Variants in ATG2A observed in about 807,000 individuals in gnomAD.
The protein encoded by ATG2A is autophagy related 2A, also known as autophagy-related protein 2 homolog A.
ATG2A carries 103 observed loss-of-function variants against 214.2 expected under a neutral mutation model. The ratio of observed to expected loss-of-function variants is 0.48; its 90% CI spans 0.41 to 0.57. The LOEUF is 0.57. Among genes scored for constraint, ATG2A ranks in the 20% least tolerant of loss-of-function variants. The pLI is 0.00. For missense variants in ATG2A, 2,312 were observed against 2,613.2 expected (o/e 0.88, Z 2.51); for synonymous variants, 1,160 against 1,142.1 (o/e 1.02, Z -0.32).
At chr11:64,902,944 G>A (rs548945267) in intron 26 of ATG2A, among the ~76,000 whole-genome samples, 1 of 150,950 alleles carries the variant, frequency 6.6e-6, no homozygotes, top group East Asian at 2.0e-4. Context: ...CCCGTGAAGG[G>A]CTCTGCATGC....
At chr11:64,902,427 G>A (rs1319859389) in intron 27 of ATG2A, 41 bp from the exon 28 acceptor site, 1 of 1,532,224 alleles carries the variant, frequency 6.5e-7, no homozygotes, top group African/African-American at 1.4e-5. Context: ...AGACAGGACA[G>A]AGCTCCCCCA....
In ATG2A at chr11:64,913,027, TG is replaced by T; in HGVS notation, c.825+10del. 1 of 1,539,326 alleles carries T rather than the reference TG, an allele frequency of 6.5e-7. No homozygotes were observed. Among genetic ancestry groups the T allele is most frequent in the Non-Finnish European group, 8.8e-7 (1 of 1,141,748 alleles). ...GGTACTCACCCCCTCCCCAGGGGCC[TG>T]GGGACCCACCTTGGGGCCAGGGAAG... On this transcript the variant is annotated intron_variant, in intron 6 of 40. Transcript: ENST00000377264. This position sits in a 1 kb window ranked among gnomAD's most constrained non-coding sequence, Gnocchi z 4.3.
In ATG2A at chr11:64,913,834, C is replaced by A. The variant is rs1472413737; in HGVS notation, c.577G>T (p.Val193Phe). Residue 193 changes from valine to phenylalanine, a missense_variant, in exon 4 of 41, where the codon GTC becomes TTC. By Grantham distance (50) the Val-to-Phe change is conservative. Coordinates refer to ENST00000377264, the MANE Select transcript of ATG2A (RefSeq NM_015104.3). The surrounding 1 kb of genome is among the most constrained non-coding windows in gnomAD (Gnocchi z 4.3). Reference protein sequence around the residue: ...GDGERGVAVEVRVQRLEYCDE... With the variant: ...GDGERGVAVEFRVQRLEYCDE... Reference sequence around the variant, plus strand: ...GCCTGCCCTTACCTCTGCACACGGACCTCGACGGCCACACCACGTTCCCCA... The same window carrying A: ...GCCTGCCCTTACCTCTGCACACGGAACTCGACGGCCACACCACGTTCCCCA... The A allele has an allele frequency of 3.1e-6, 5 of 1,613,354 alleles. No homozygotes were observed. In the South Asian group the frequency reaches 3.3e-5, roughly 11 times the overall value.
intron 1 of ATG2A, among the ~76,000 whole-genome samples, chr11:64,916,024 G>A (rs188348732): frequency 6.6e-6 from 1 of 152,266 alleles, no homozygotes; most frequent in East Asian, 1.9e-4. Flanking sequence ...AGCCCCCTGA[G>A]TCCAGCCACA....
Position 64,911,058 on chromosome 11 carries a change from G to A in ATG2A, c.1446C>T (p.Ala482=), listed in dbSNP as rs1944753182. 1.2e-6 allele frequency: 2 copies of A among 1,614,028 alleles called. No homozygotes were observed. The highest frequency in any genetic ancestry group is 1.7e-6 in the Non-Finnish European group (2 of 1,180,038). ...FHHLRPRFQR[A]CPCSHVRLTG... ...TATACCGAACATGGCTACAGGGACA[G>A]GCCCTCTGGAAGCGTGGTCGAAGGT... Residue 482 remains alanine (A), a synonymous_variant, in exon 10 of 41, where the codon GCC becomes GCT. Coordinates refer to ENST00000377264, the MANE Select transcript of ATG2A (RefSeq NM_015104.3).
rs1221504129 is a variant in ATG2A, at chr11:64,895,867, C to T, written c.5428-425G>A. ...CTCTGCCCAGCATCTCACCTGGCAT[C>T]ACTCTTTCCCACCTGACTGAACACT... On this transcript the variant is annotated intron_variant, in intron 39 of 40. Coordinates refer to ENST00000377264, the MANE Select transcript of ATG2A (RefSeq NM_015104.3). The surrounding 1 kb of genome is among the most constrained non-coding windows in gnomAD (Gnocchi z 5.0). 6.6e-6 allele frequency among the ~76,000 whole-genome samples: 1 copy of T among 152,176 alleles called. No homozygotes were observed.
intron 37 of ATG2A, 22 bp from the exon 38 acceptor site, chr11:64,896,891 G>C: frequency 6.2e-7 from 1 of 1,611,804 alleles, no homozygotes; most frequent in Non-Finnish European, 8.5e-7. Context: ...GGGAGGTGAG[G>C]AGGCAGAAGG....
chr11:64,897,815 C>G (rs202196991), intron 35 of ATG2A, 24 bp downstream of exon 35: 10 of 1,613,512 alleles, frequency 6.2e-6, no homozygotes, highest in Non-Finnish European at 5.1e-6. Context: ...CCCAGGGCCC[C>G]CCACCCGCAG....
At chr11:64,909,421 T>G in intron 14 of ATG2A, 54 bp from the exon 15 acceptor site, 1 of 1,558,650 alleles carries the variant, frequency 6.4e-7, no homozygotes, top group Non-Finnish European at 8.8e-7. Context: ...TTCCTATTTC[T>G]TCCCCAATGC....
In ATG2A at chr11:64,898,832, T is replaced by TGGA; in HGVS notation, c.4472_4474dup (p.Phe1491_Gln1492insLeu). 6.2e-7 allele frequency: 1 copy of TGGA among 1,609,652 alleles called. No homozygotes were observed. ...TGGCTCCGCTGGGTACACCTCGTGC[T>TGGA]GGAAGCTTACCTGTGGGGTGGACAG... On this transcript the variant is annotated inframe_insertion, in exon 32 of 41. Coordinates refer to ENST00000377264, the MANE Select transcript of ATG2A (RefSeq NM_015104.3). The surrounding 1 kb of genome is among the most constrained non-coding windows in gnomAD (Gnocchi z 4.5).
At position 64,895,900 on chromosome 11, in the gene ATG2A, G is replaced by C. The variant is rs996332521; in HGVS notation, c.5428-458C>G. ...CCCACCTGACTGAACACTCCCGGGG[G>C]CTCCCTGGTGCCCATGCATCCCTCC... is the stretch of plus-strand genomic sequence containing the variant. On this transcript the variant is annotated intron_variant, in intron 39 of 40. Coordinates refer to ENST00000377264, the MANE Select transcript of ATG2A (RefSeq NM_015104.3). This position sits in a 1 kb window ranked among gnomAD's most constrained non-coding sequence, Gnocchi z 5.0. 6.6e-6 allele frequency among the ~76,000 whole-genome samples: 1 copy of C among 152,098 alleles called. No homozygotes were observed. Among genetic ancestry groups the C allele is most frequent in the East Asian group, 1.9e-4 (1 of 5,182 alleles).
At position 64,910,612 on chromosome 11, in the gene ATG2A, T is replaced by C. The variant is rs1237922539; in HGVS notation, c.1707+4A>G. ...AGCCTGGTGGCCTGGAGCGGGTGGG[T>C]TACCTTAGGCACACGGCGCAGGATC... is the stretch of plus-strand genomic sequence containing the variant. On this transcript the variant is annotated splice_donor_region_variant and intron_variant, in intron 12 of 40. Coordinates refer to ENST00000377264, the MANE Select transcript of ATG2A (RefSeq NM_015104.3). 1 of 1,595,466 alleles carries C rather than the reference T, an allele frequency of 6.3e-7. No individual in the cohort carries two copies. The highest frequency in any genetic ancestry group is 1.7e-5 in the Admixed American group (1 of 57,414).
chr11:64,914,285 C>G (rs146301730), intron 2 of ATG2A, 52 bp from the exon 3 acceptor site: 5 of 1,553,800 alleles, frequency 3.2e-6, no homozygotes, highest in Non-Finnish European at 4.4e-6. Context: ...AGGTCCTGGA[C>G]GCCCCAGCCC....
chr11:64,912,446 T>C (rs1944811939), intron 6 of ATG2A, 23 bp from the exon 7 acceptor site: 1 of 1,538,770 alleles, frequency 6.5e-7, no homozygotes, highest in Non-Finnish European at 8.8e-7. Flanking sequence ...GAGGCAGCCA[T>C]GGAGCCTAGG....
chr11:64,896,434 A>G (rs778208910), intron 39 of ATG2A, 28 bp downstream of exon 39: 3 of 1,591,790 alleles, frequency 1.9e-6, no homozygotes, highest in Non-Finnish European at 2.6e-6. Context: ...TCTGTCCTGC[A>G]CAGCCCAGAT....
At chr11:64,907,117 T>C in intron 19 of ATG2A, 138 bp downstream of exon 19, 2 of 1,052,206 alleles carry the variant, frequency 1.9e-6, no homozygotes, top group Non-Finnish European at 2.7e-6. Flanking sequence ...GTGGGCAGGC[T>C]GGCGTGGGTG....
chr11:64,900,762 T>G lies in ATG2A; in HGVS notation c.4328+122A>C, dbSNP rs1403650294. 6.3e-6 allele frequency: 9 copies of G among 1,436,730 alleles called. No homozygotes were observed. In the Admixed American group the frequency reaches 2.4e-4, roughly 38 times the overall value. The allele number at this position is 1,436,730 out of a possible 1,614,324, so 89.0% of individuals were successfully genotyped here. ...GGAAGGCAGGCGGGATAAGGAAGGA[T>G]GAGGAAACTGAGGCCCACCTGGGGT... On this transcript the variant is annotated intron_variant, in intron 30 of 40. Coordinates refer to ENST00000377264, the MANE Select transcript of ATG2A (RefSeq NM_015104.3).
At chr11:64,912,288 T>TGCCCCCCACCCCCCCC in intron 7 of ATG2A, 39 bp from the exon 8 acceptor site, 1 of 1,471,388 alleles carries the variant, frequency 6.8e-7, no homozygotes, top group Non-Finnish European at 9.4e-7. Flanking sequence ...TGGCTGGCCC[T>TGCCCCCCACCCCCCCC]CCCAGCCACC....
In ATG2A at chr11:64,909,786, G is replaced by A. The variant is rs1207934189; in HGVS notation, c.2002C>T (p.Gln668Ter). The part of the protein sequence containing the change: ...PWAGQAVRAE[Q>*]LRLELSEPQF... ...GGCTCACTCAGCTCCAGCCGAAGCT[G>A]CTCAGCCCGCACGGCCTGGCCCGCC... is the stretch of plus-strand genomic sequence containing the variant. The change falls in exon 14 of 41, where the codon CAG becomes TAG. Residue 668 changes from glutamine to a stop codon, truncating the protein, a stop_gained. Coordinates refer to ENST00000377264, the MANE Select transcript of ATG2A (RefSeq NM_015104.3). LOFTEE classifies it high-confidence loss of function. 6.2e-7 allele frequency: 1 copy of A among 1,612,470 alleles called. No homozygotes were observed. Among genetic ancestry groups the A allele is most frequent in the Non-Finnish European group, 8.5e-7 (1 of 1,179,902 alleles).
Sources: allele counts gnomAD v4.1 joint callset (sites outside exome capture counted in the v4.1 genomes callset), GRCh38; gene constraint gnomAD v4.1.1; non-coding constraint Gnocchi (gnomAD v3.1); transcripts MANE v1.5; gene names NCBI Gene and HGNC (gene_info 2026-07-23, HGNC 2026-07-21).